The following ATP2B4 variants were observed in gnomAD, a reference collection of about 807,000 sequenced individuals.
The protein encoded by ATP2B4 is ATPase plasma membrane Ca2+ transporting 4.
ATP2B4 carries 39 observed loss-of-function variants against 110.3 expected under a neutral mutation model. That is an observed-to-expected ratio of 0.35 (90% CI 0.27 to 0.46). ATP2B4 has a LOEUF of 0.46. Ranked by LOEUF, ATP2B4 falls within the 20% of genes least tolerant of loss-of-function variation. The pLI is 1.00. For missense variants in ATP2B4, 1,135 were observed against 1,530.9 expected (o/e 0.74, Z 4.32); for synonymous variants, 538 against 571.7 (o/e 0.94, Z 0.84).
At chr1:203,672,765 C>A (rs1011184160) in intron 1 of ATP2B4, among the ~76,000 whole-genome samples, 1 of 152,200 alleles carries the variant, frequency 6.6e-6, no homozygotes, top group African/African-American at 2.4e-5. Flanking sequence ...CATCGCTCAT[C>A]TCCTGTGGAG....
At chr1:203,738,892 C>T (rs1666937603) in intron 20 of ATP2B4, among the ~76,000 whole-genome samples, 1 of 152,174 alleles carries the variant, frequency 6.6e-6, no homozygotes. Context: ...TAAAAATATG[C>T]ATGTTTCCTG....
rs779048789 is a variant in ATP2B4, at chr1:203,686,685, C to CTTTTTTTTTTT, written c.193+3303_193+3313dup. On this transcript the variant is annotated intron_variant, in intron 2 of 20. Transcript: ENST00000357681. ...CCTGGTGTTTTTCTTTCTTTTCTTT[C>CTTTTTTTTTTT]TTTTTTTTTTTTTTTTTTTTTTTTT... is the stretch of plus-strand genomic sequence containing the variant. Among the ~76,000 whole-genome samples the CTTTTTTTTTTT allele has an allele frequency of 6.6e-3, 281 of 42,666 alleles. 9 individuals carry two copies. The highest frequency in any genetic ancestry group is 7.4e-3 in the Non-Finnish European group (196 of 26,466). The allele number at this position is 42,666 out of a possible 152,430, so 28.0% of individuals were successfully genotyped here.
intron 7 of ATP2B4, among the ~76,000 whole-genome samples, chr1:203,703,166 AGAGAGAGAG>A (rs1558041557): frequency 6.5e-5 from 5 of 77,170 alleles, no homozygotes; most frequent in African/African-American, 3.2e-4. Flanking sequence ...CTGACAATCG[AGAGAGAGAG>A]AGAGAGAGAG....
intron 1 of ATP2B4, among the ~76,000 whole-genome samples, chr1:203,661,109 TAA>T (rs751761105): frequency 2.2e-5 from 3 of 138,168 alleles, no homozygotes; most frequent in South Asian, 2.4e-4. Flanking sequence ...AAACTTTGTC[TAA>T]AAAAAAAAAA....
At chr1:203,645,618 A>G (rs967379684) in intron 1 of ATP2B4, among the ~76,000 whole-genome samples, 1 of 144,712 alleles carries the variant, frequency 6.9e-6, no homozygotes, top group African/African-American at 2.5e-5. Context: ...TGGAGATGGA[A>G]TCTTACTCTG....
intron 3 of ATP2B4, among the ~76,000 whole-genome samples, chr1:203,699,074 C>A (rs1042069438): frequency 6.6e-6 from 1 of 152,126 alleles, no homozygotes; most frequent in African/African-American, 2.4e-5. Flanking sequence ...CACCCCCAGC[C>A]AGGAATTCTC....
rs182541971 is a variant in ATP2B4, at chr1:203,727,903, G to A, written c.3309+332G>A. 8.1e-6 allele frequency: 3 copies of A among 368,658 alleles called. No homozygotes were observed. In the East Asian group the frequency reaches 1.9e-4, roughly 24 times the overall value. 22.8% of individuals were successfully genotyped at this position (368,658 alleles called of 1,614,324 possible). A position where few individuals can be genotyped will look rare whatever the true frequency, so the allele number is the denominator to read the frequency against. On this transcript the variant is annotated intron_variant, in intron 20 of 20. Coordinates refer to ENST00000357681, the MANE Select transcript of ATP2B4 (RefSeq NM_001684.5). ...TTGCAAGCACTAGACCTGACCCCAGGGTGGGAAATGCTCAGTTTTTCCCTA... is the reference window on the plus strand; with the variant it reads ...TTGCAAGCACTAGACCTGACCCCAGAGTGGGAAATGCTCAGTTTTTCCCTA...
chr1:203,683,349 T>A lies in ATP2B4; in HGVS notation c.144T>A (p.Tyr48Ter). The A allele has an allele frequency of 6.2e-7, 1 of 1,614,204 alleles. No homozygotes were observed. ...RDALTQINVH[Y>*]GGVQNLCSRL... Reference sequence around the variant, plus strand: ...CACTGACCCAGATTAATGTCCACTATGGAGGTGTACAGAATCTCTGCAGTA... The same window carrying A: ...CACTGACCCAGATTAATGTCCACTAAGGAGGTGTACAGAATCTCTGCAGTA... The change falls in exon 2 of 21, where the codon TAT becomes TAA. Residue 48 changes from tyrosine to a stop codon, truncating the protein, a stop_gained. Coordinates refer to ENST00000357681, the MANE Select transcript of ATP2B4 (RefSeq NM_001684.5). LOFTEE classifies it high-confidence loss of function.
chr1:203,730,281 A>G (rs956932839), intron 20 of ATP2B4, among the ~76,000 whole-genome samples: 2 of 151,852 alleles, frequency 1.3e-5, no homozygotes, highest in Non-Finnish European at 2.9e-5. Flanking sequence ...TAGGTAGGGA[A>G]ACGCTAGGGT....
chr1:203,697,554 A>C (rs1665568519), intron 2 of ATP2B4, among the ~76,000 whole-genome samples: 1 of 152,218 alleles, frequency 6.6e-6, no homozygotes, highest in Non-Finnish European at 1.5e-5. Context: ...CTTGTTACTA[A>C]GATAAGTGAG....
chr1:203,662,936 C>G (rs1388929209), intron 1 of ATP2B4, among the ~76,000 whole-genome samples: 1 of 152,172 alleles, frequency 6.6e-6, no homozygotes, highest in Non-Finnish European at 1.5e-5. Context: ...ATGACATCAC[C>G]TGAACCCAGA....
Position 203,634,946 on chromosome 1 carries a change from G to A in ATP2B4, c.-465+7727G>A, listed in dbSNP as rs1663394138. ...CCCAAAGTGCGGGGATTACAGGCAT[G>A]AACCACCGCACCCGGCCCCATTTAT... is the stretch of plus-strand genomic sequence containing the variant. On this transcript the variant is annotated intron_variant, in intron 1 of 20. Transcript: ENST00000357681. 1.3e-5 allele frequency among the ~76,000 whole-genome samples: 2 copies of A among 152,098 alleles called. 1 individual carries two copies. The highest frequency in any genetic ancestry group is 4.1e-4 in the South Asian group (2 of 4,822).
Position 203,683,071 on chromosome 1 carries a change from C to G in ATP2B4, c.-135C>G. ...GGGAGCTTATTGCACAAGATATATT[C>G]AATCTATTCCCTCACTGGGCCCCCA... is the stretch of plus-strand genomic sequence containing the variant. On this transcript the variant is annotated 5_prime_UTR_variant, in exon 2 of 21. Transcript: ENST00000357681. The G allele has an allele frequency of 1.0e-6, 1 of 953,096 alleles. No homozygotes were observed. Among genetic ancestry groups the G allele is most frequent in the South Asian group, 1.7e-5 (1 of 59,770 alleles). The allele number at this position is 953,096 out of a possible 1,614,324, so 59.0% of individuals were successfully genotyped here.
At chr1:203,678,906 A>G (rs1344102406) in intron 1 of ATP2B4, among the ~76,000 whole-genome samples, 1 of 152,208 alleles carries the variant, frequency 6.6e-6, no homozygotes, top group African/African-American at 2.4e-5. Context: ...ACTAGAATTG[A>G]TATGACCAAT....
At chr1:203,704,692 G>T (rs1665799169) in intron 8 of ATP2B4, among the ~76,000 whole-genome samples, 1 of 151,866 alleles carries the variant, frequency 6.6e-6, no homozygotes, top group Non-Finnish European at 1.5e-5. Context: ...TGTTGGCCAG[G>T]CTGGTCTCGA....
chr1:203,739,929 G>A lies in ATP2B4; in HGVS notation c.*75G>A. ...CTATCCCATCTATGAGGTGATGATG[G>A]GACTTTTCATTGTCACGTCAGCTGC... On this transcript the variant is annotated 3_prime_UTR_variant, in exon 21 of 21. Coordinates refer to ENST00000357681, the MANE Select transcript of ATP2B4 (RefSeq NM_001684.5). The A allele has an allele frequency of 2.2e-5, 33 of 1,472,280 alleles. No homozygotes were observed. Among genetic ancestry groups the A allele is most frequent in the Non-Finnish European group, 2.9e-5 (32 of 1,090,428 alleles). 91.2% of individuals were successfully genotyped at this position (1,472,280 alleles called of 1,614,324 possible).
At chr1:203,727,974 C>A (rs898891570) in intron 20 of ATP2B4, among the ~76,000 whole-genome samples, 1 of 152,100 alleles carries the variant, frequency 6.6e-6, no homozygotes, top group Non-Finnish European at 1.5e-5. Flanking sequence ...GCCAACATAC[C>A]CAGCATTCAC....
chr1:203,700,179 T>C (rs1371034612), intron 4 of ATP2B4, 27 bp from the exon 5 acceptor site: 2 of 1,605,196 alleles, frequency 1.2e-6, no homozygotes, highest in Non-Finnish European at 1.7e-6. Context: ...TCTCCTTCAC[T>C]GTCCCTCCTT....
chr1:203,674,527 G>A (rs1213630040), intron 1 of ATP2B4, among the ~76,000 whole-genome samples: 1 of 151,750 alleles, frequency 6.6e-6, no homozygotes, highest in Non-Finnish European at 1.5e-5. Flanking sequence ...AGGCTGGAAT[G>A]CAGTGGCACG....
Sources: allele counts gnomAD v4.1 joint callset (sites outside exome capture counted in the v4.1 genomes callset), GRCh38; gene constraint gnomAD v4.1.1; transcripts MANE v1.5; gene names NCBI Gene and HGNC (gene_info 2026-07-23, HGNC 2026-07-21).